ABHD2: variants seen among roughly 807,000 people sequenced by gnomAD.
The protein encoded by ABHD2 is abhydrolase domain containing 2, acylglycerol lipase.
Under a neutral mutation model 48.1 loss-of-function variants are expected in ABHD2, and 20 were observed. The ratio of observed to expected loss-of-function variants is 0.42; its 90% confidence interval spans 0.29 to 0.60. ABHD2 has a LOEUF of 0.60. Among genes scored for constraint, ABHD2 ranks in the 20% least tolerant of loss-of-function variants. The pLI, the probability that ABHD2 is intolerant of heterozygous loss-of-function variation, is 0.24. For synonymous variants in ABHD2, 209 were observed against 214.2 expected (o/e 0.98, Z 0.21); for missense variants, 405 against 550.9 (o/e 0.74, Z 2.65).
At chr15:89,084,393 AG>A (rs1425738416), upstream of ABHD2, among the ~76,000 whole-genome samples, 1 of 152,036 alleles carries the variant, frequency 6.6e-6, no homozygotes, top group Non-Finnish European at 1.5e-5. This position sits in a 1 kb window ranked among gnomAD's most constrained non-coding sequence, Gnocchi z 4.4. Flanking sequence ...GCCGCCTCCT[AG>A]GTTCAAGCGA....
intron 1 of ABHD2, among the ~76,000 whole-genome samples, chr15:89,105,293 T>A (rs2049766642): frequency 6.6e-6 from 1 of 152,264 alleles, no homozygotes; most frequent in East Asian, 1.9e-4. Context: ...CAGACATTTT[T>A]AGTTTGGTAA....
chr15:89,078,926 TTTC>T, the ABHD2 span, among the ~76,000 whole-genome samples: 2 of 152,108 alleles, frequency 1.3e-5, no homozygotes, highest in African/African-American at 4.8e-5. Flanking sequence ...GACATGGGCA[TTTC>T]ACCATGTTGC....
chr15:89,185,572 T>G lies in ABHD2; in HGVS notation c.815+56T>G. 1.3e-6 allele frequency: 2 copies of G among 1,517,366 alleles called. No homozygotes were observed. The highest frequency in any genetic ancestry group is 9.1e-7 in the Non-Finnish European group (1 of 1,095,006). The allele number at this position is 1,517,366 out of a possible 1,614,324, so 94.0% of individuals were successfully genotyped here. On this transcript the variant is annotated intron_variant, in intron 7 of 10. Transcript: ENST00000352732. The surrounding 1 kb of genome is among the most constrained non-coding windows in gnomAD (Gnocchi z 5.9). The stretch of plus-strand genomic sequence containing the variant: ...CAGACAGTTCCTTCCTGAGCTCATC[T>G]GGGAACCGTGAAAAGCCAGGACTCC...
At chr15:89,081,750 C>T in the ABHD2 span, among the ~76,000 whole-genome samples, 1 of 152,042 alleles carries the variant, frequency 6.6e-6, no homozygotes, top group South Asian at 2.1e-4. Flanking sequence ...ACTCGGGAGG[C>T]TGAGGTGGGA....
At chr15:89,115,105 G>T (rs1271544002) in intron 2 of ABHD2, among the ~76,000 whole-genome samples, 1 of 152,078 alleles carries the variant, frequency 6.6e-6, no homozygotes, top group African/African-American at 2.4e-5. Flanking sequence ...GTTTTGTTCT[G>T]CCTGTCTCTA....
the ABHD2 span, among the ~76,000 whole-genome samples, chr15:89,051,617 T>C: frequency 1.3e-5 from 2 of 152,130 alleles, no homozygotes; most frequent in Non-Finnish European, 2.9e-5. Context: ...AACCGAATCA[T>C]GGGGGCGGGT....
Position 89,185,862 on chromosome 15 carries a change from G to A in ABHD2, c.815+346G>A, listed in dbSNP as rs1172609460. Reference sequence around the variant, plus strand: ...TGCCGCTGTAATCCCAGCTACTTGGGAGGCTGAGGCAGGAGAGTCGCTTGA... The same window carrying A: ...TGCCGCTGTAATCCCAGCTACTTGGAAGGCTGAGGCAGGAGAGTCGCTTGA... On this transcript the variant is annotated intron_variant, in intron 7 of 10. Coordinates refer to ENST00000352732, the MANE Select transcript of ABHD2 (RefSeq NM_152924.5). This position sits in a 1 kb window ranked among gnomAD's most constrained non-coding sequence, Gnocchi z 5.9. 6.6e-6 allele frequency among the ~76,000 whole-genome samples: 1 copy of A among 152,136 alleles called. No homozygotes were observed. Among genetic ancestry groups the A allele is most frequent in the African/African-American group, 2.4e-5 (1 of 41,414 alleles).
chr15:89,053,951 C>T, the ABHD2 span, among the ~76,000 whole-genome samples: 1 of 152,200 alleles, frequency 6.6e-6, no homozygotes, highest in Admixed American at 6.5e-5. Context: ...AGCACCTGAG[C>T]TGGTCTCTTC....
chr15:89,084,942 A>G (rs999303757), upstream of ABHD2, among the ~76,000 whole-genome samples: 2 of 152,194 alleles, frequency 1.3e-5, no homozygotes, highest in Admixed American at 1.3e-4. The surrounding 1 kb of genome is among the most constrained non-coding windows in gnomAD (Gnocchi z 4.4). Flanking sequence ...TCAGGATCCA[A>G]TCCCCAGCAG....
Position 89,188,542 on chromosome 15 carries a change from G to A in ABHD2, c.926+239G>A, listed in dbSNP as rs2051251944. 6.6e-6 allele frequency among the ~76,000 whole-genome samples: 1 copy of A among 152,232 alleles called. No individual in the cohort carries two copies. Among genetic ancestry groups the A allele is most frequent in the Non-Finnish European group, 1.5e-5 (1 of 68,046 alleles). ...ACCACTCATTCTGCATTCCTACAAA[G>A]CATAGTTAGCTTGATTCAAGGAGCT... is the stretch of plus-strand genomic sequence containing the variant. On this transcript the variant is annotated intron_variant, in intron 8 of 10. Coordinates refer to ENST00000352732, the MANE Select transcript of ABHD2 (RefSeq NM_152924.5). The surrounding 1 kb of genome is among the most constrained non-coding windows in gnomAD (Gnocchi z 4.1).
intron 9 of ABHD2, among the ~76,000 whole-genome samples, chr15:89,192,204 GTCT>G (rs2051317899): frequency 6.6e-6 from 1 of 152,156 alleles, no homozygotes; most frequent in African/African-American, 2.4e-5. Context: ...TAGTTGTGCT[GTCT>G]TATCAGCCAT....
At chr15:89,154,973 A>G (rs2050647934) in intron 4 of ABHD2, among the ~76,000 whole-genome samples, 1 of 152,242 alleles carries the variant, frequency 6.6e-6, no homozygotes. Flanking sequence ...TCATTCATTC[A>G]TATAGAATTT....
At position 89,114,809 on chromosome 15, in the gene ABHD2, C is replaced by A. The variant is rs1004845637; in HGVS notation, c.-7+985C>A. ...AGAAGTTAAGTTTTAGGAAAACTGT[C>A]TCCTCACAGAAGTTCAGTGTAGCTG... On this transcript the variant is annotated intron_variant, in intron 2 of 10. Transcript: ENST00000352732. The surrounding 1 kb of genome is among the most constrained non-coding windows in gnomAD (Gnocchi z 4.2). 6.6e-6 allele frequency among the ~76,000 whole-genome samples: 1 copy of A among 152,202 alleles called. No individual in the cohort carries two copies. The highest frequency in any genetic ancestry group is 2.4e-5 in the African/African-American group (1 of 41,452).
intron 3 of ABHD2, chr15:89,135,880 G>GGAAGAAGGCC: frequency 1.5e-6 from 1 of 655,528 alleles, no homozygotes; most frequent in South Asian, 1.8e-5. Flanking sequence ...GAACAGAACA[G>GGAAGAAGGCC]GAAGAAGGCC....
At chr15:89,068,752 C>CAGT in the ABHD2 span, among the ~76,000 whole-genome samples, 10 of 85,176 alleles carry the variant, frequency 1.2e-4, no homozygotes, top group Non-Finnish European at 1.6e-4. Flanking sequence ...GGCAAGCTTC[C>CAGT]TCTTTTTTTT....
the ABHD2 span, among the ~76,000 whole-genome samples, chr15:89,076,537 G>A: frequency 6.6e-6 from 1 of 152,154 alleles, no homozygotes; most frequent in Admixed American, 6.5e-5. Flanking sequence ...AGGCTGGAGT[G>A]CAGTGGTGCG....
At chr15:89,118,701 GC>G (rs986777566) in intron 3 of ABHD2, among the ~76,000 whole-genome samples, 1 of 152,178 alleles carries the variant, frequency 6.6e-6, no homozygotes, top group African/African-American at 2.4e-5. Context: ...AGGAAGCCAT[GC>G]AAAAGCTGCT....
intron 3 of ABHD2, among the ~76,000 whole-genome samples, chr15:89,140,195 G>A (rs978238677): frequency 2.6e-5 from 4 of 152,208 alleles, no homozygotes; most frequent in Non-Finnish European, 5.9e-5. Context: ...TTCCACTCAC[G>A]TGCTATGTTA....
rs748983183 is a variant in ABHD2 at position 89,170,080 on chromosome 15, C to CTTTTTTTTTTTTT, written c.539-5711_539-5699dup. ...GAGCCATTCCATGTCAGATCAGATT[C>CTTTTTTTTTTTTT]TTTTTTTTTTTTTTTTTTTTTTTTT... is the stretch of plus-strand genomic sequence containing the variant. On this transcript the variant is annotated intron_variant, in intron 5 of 10. Transcript: ENST00000352732. 4.3e-4 allele frequency among the ~76,000 whole-genome samples: 16 copies of CTTTTTTTTTTTTT among 37,502 alleles called. 5 individuals carry two copies. Among genetic ancestry groups the CTTTTTTTTTTTTT allele is most frequent in the Non-Finnish European group, 5.4e-4 (10 of 18,420 alleles). 24.6% of individuals were successfully genotyped at this position (37,502 alleles called of 152,430 possible). A position where few individuals can be genotyped will look rare whatever the true frequency, so the allele number is the denominator to read the frequency against.
Sources: gnomAD v4.1 joint callset for allele counts (sites outside exome capture counted in the v4.1 genomes callset) on GRCh38, gnomAD v4.1.1 for gene constraint, Gnocchi (gnomAD v3.1) non-coding constraint, MANE v1.5 for transcripts, NCBI Gene and HGNC (gene_info 2026-07-23, HGNC 2026-07-21) for gene names.